CDH12: variants seen among roughly 807,000 people sequenced by gnomAD.
CDH12 encodes the protein cadherin 12, also known as cadherin-12.
In CDH12, 41 loss-of-function variants were observed where a neutral mutation model predicts 74.1. The ratio of observed to expected loss-of-function variants is 0.55; its 90% CI spans 0.43 to 0.72. CDH12 has a LOEUF of 0.72. Among genes scored for constraint, CDH12 ranks in the 30% least tolerant of loss-of-function variants. CDH12 has a pLI of 0.00. For missense variants in CDH12, 945 were observed against 977.2 expected (o/e 0.97, Z 0.44); for synonymous variants, 399 against 355.0 (o/e 1.12, Z -1.39).
chr5:22,809,085 G>A (rs866956790), intron 1 of CDH12, among the ~76,000 whole-genome samples: 27 of 150,654 alleles, frequency 1.8e-4, no homozygotes, highest in Middle Eastern at 6.8e-3. Flanking sequence ...GTTCGTTGAA[G>A]GCAAAAAAAA....
At position 21,842,343 on chromosome 5, in the gene CDH12, G is replaced by A; in HGVS notation, c.647-15C>T. On this transcript the variant is annotated splice_polypyrimidine_tract_variant and intron_variant, in intron 7 of 14. Transcript: ENST00000382254. ...TCTAATAACACCTTAAGGGATAAAAGCAATAATGTAAAATAAATATCACAA... is the reference window on the plus strand; with the variant it reads ...TCTAATAACACCTTAAGGGATAAAAACAATAATGTAAAATAAATATCACAA... The A allele has an allele frequency of 1.9e-6, 3 of 1,543,706 alleles. No homozygotes were observed. Among genetic ancestry groups the A allele is most frequent in the Admixed American group, 2.0e-5 (1 of 50,118 alleles).
intron 4 of CDH12, among the ~76,000 whole-genome samples, chr5:22,129,773 G>A (rs988263750): frequency 3.3e-5 from 5 of 151,884 alleles, no homozygotes; most frequent in African/African-American, 1.2e-4. Context: ...TGATTTAGTG[G>A]TATTATTACT....
chr5:21,751,258 CTT>C lies in CDH12; in HGVS notation c.*477_*478del, dbSNP rs10570044. 100,694 of 153,284 alleles carry C rather than the reference CTT, an allele frequency of 0.66. 34,799 individuals are homozygous for C. The highest frequency in any genetic ancestry group is 0.77 in the Non-Finnish European group (52,785 of 68,604). The allele number at this position is 153,284 out of a possible 1,614,324, so 9.5% of individuals were successfully genotyped here. A position where few individuals can be genotyped will look rare whatever the true frequency, so the allele number is the denominator to read the frequency against. ...TTGCTTCTTGACATAAAGACGGTGTCTTTGTTTTATGTCTTTATCTCTGAATC... is the reference window on the plus strand; with the variant it reads ...TTGCTTCTTGACATAAAGACGGTGTCTGTTTTATGTCTTTATCTCTGAATC... On this transcript the variant is annotated 3_prime_UTR_variant, in exon 15 of 15. Transcript: ENST00000382254.
chr5:22,655,890 A>G (rs1387565917), intron 1 of CDH12, among the ~76,000 whole-genome samples: 1 of 152,180 alleles, frequency 6.6e-6, no homozygotes, highest in Non-Finnish European at 1.5e-5. Context: ...AATTACTTCT[A>G]TACAGAACAT....
intron 3 of CDH12, among the ~76,000 whole-genome samples, chr5:22,399,052 C>A (rs1403754628): frequency 1.3e-5 from 2 of 151,926 alleles, no homozygotes; most frequent in Non-Finnish European, 2.9e-5. Context: ...TTGGTGTGTT[C>A]TTGATAATCT....
chr5:22,424,002 CAAAAAAAAAAA>C (rs1165781089), intron 2 of CDH12, among the ~76,000 whole-genome samples: 2 of 31,226 alleles, frequency 6.4e-5, no homozygotes, highest in South Asian at 1.7e-3. Context: ...GACTCTGTCT[CAAAAAAAAAAA>C]AAAAAAAAAA....
intron 2 of CDH12, among the ~76,000 whole-genome samples, chr5:22,420,076 C>A (rs1743573345): frequency 1.3e-5 from 2 of 151,786 alleles, no homozygotes; most frequent in South Asian, 4.2e-4. Context: ...GGATATCAAA[C>A]CTTTGTCAGA....
At chr5:22,480,683 T>A (rs957283032) in intron 2 of CDH12, among the ~76,000 whole-genome samples, 6 of 152,080 alleles carry the variant, frequency 3.9e-5, no homozygotes, top group African/African-American at 1.2e-4. Flanking sequence ...CAGAAGTGCA[T>A]GAGCTTTTCC....
At chr5:22,547,827 T>C (rs1249799892) in intron 1 of CDH12, among the ~76,000 whole-genome samples, 1 of 151,966 alleles carries the variant, frequency 6.6e-6, no homozygotes, top group Non-Finnish European at 1.5e-5. Flanking sequence ...ACACATTGAG[T>C]AGGGGATTGG....
chr5:22,518,961 T>C (rs1414067051), intron 1 of CDH12, among the ~76,000 whole-genome samples: 1 of 152,144 alleles, frequency 6.6e-6, no homozygotes. Context: ...ACATGAGAAC[T>C]GGACACCCCT....
At chr5:22,516,614 G>A (rs1200514264) in intron 1 of CDH12, among the ~76,000 whole-genome samples, 1 of 151,984 alleles carries the variant, frequency 6.6e-6, no homozygotes, top group Non-Finnish European at 1.5e-5. Context: ...GGGCAACATG[G>A]CGAAACCTTG....
At chr5:21,900,234 T>C (rs1249960777) in intron 6 of CDH12, among the ~76,000 whole-genome samples, 1 of 152,116 alleles carries the variant, frequency 6.6e-6, no homozygotes, top group Admixed American at 6.5e-5. Flanking sequence ...GGAAATAATA[T>C]GTGCCTCAAT....
At chr5:21,869,262 C>T (rs2150016847) in intron 6 of CDH12, among the ~76,000 whole-genome samples, 1 of 152,142 alleles carries the variant, frequency 6.6e-6, no homozygotes, top group East Asian at 1.9e-4. Flanking sequence ...TTATCATGCC[C>T]TATGATTAAG....
chr5:21,946,911 G>A (rs181302596), intron 6 of CDH12, among the ~76,000 whole-genome samples: 72 of 152,280 alleles, frequency 4.7e-4, no homozygotes, highest in Middle Eastern at 3.4e-3. Flanking sequence ...TGATCCTCCC[G>A]TGTCAAGGGC....
intron 4 of CDH12, among the ~76,000 whole-genome samples, chr5:22,208,499 T>A (rs143538960): frequency 0.022 from 3,285 of 152,356 alleles, 35 homozygotes; most frequent in Middle Eastern, 0.051. Flanking sequence ...TGCAGCTTAT[T>A]CATGATTTCC....
At chr5:21,898,257 G>GT (rs1317384136) in intron 6 of CDH12, among the ~76,000 whole-genome samples, 1 of 151,882 alleles carries the variant, frequency 6.6e-6, no homozygotes, top group Non-Finnish European at 1.5e-5. Flanking sequence ...GTCTCACTCT[G>GT]TGAGACCAGG....
At chr5:22,397,051 C>A (rs1276374367) in intron 3 of CDH12, among the ~76,000 whole-genome samples, 1 of 152,000 alleles carries the variant, frequency 6.6e-6, no homozygotes, top group Non-Finnish European at 1.5e-5. Flanking sequence ...CAATATTCAT[C>A]CCTCTTTTCT....
At chr5:22,818,887 A>T (rs1749526006) in intron 1 of CDH12, among the ~76,000 whole-genome samples, 1 of 152,066 alleles carries the variant, frequency 6.6e-6, no homozygotes, top group Admixed American at 6.6e-5. Flanking sequence ...TGTCAACTGG[A>T]TGTAAATAAT....
At chr5:21,976,425 A>G (rs1206937982) in intron 5 of CDH12, among the ~76,000 whole-genome samples, 1 of 151,616 alleles carries the variant, frequency 6.6e-6, no homozygotes, top group Non-Finnish European at 1.5e-5. Flanking sequence ...ACGTATATAA[A>G]TTACGTGTAA....
Sources: gnomAD v4.1 joint callset for allele counts (sites outside exome capture counted in the v4.1 genomes callset) on GRCh38, gnomAD v4.1.1 for gene constraint, MANE v1.5 for transcripts, NCBI Gene and HGNC (gene_info 2026-07-23, HGNC 2026-07-21) for gene names.